The following PAMR1 variants were observed in gnomAD, a reference collection of about 807,000 sequenced individuals.
PAMR1 encodes inactive serine protease PAMR1.
Under a neutral mutation model 81.8 loss-of-function variants are expected in PAMR1, and 88 were observed. The observed-to-expected ratio is 1.08, with a 90% CI of 0.91 to 1.28. The LOEUF (loss-of-function observed/expected upper bound fraction) is 1.28, where lower values mean the gene tolerates loss of function less well. Among genes scored for constraint, PAMR1 ranks in the 50% most tolerant of loss-of-function variants. The probability of loss-of-function intolerance (pLI) is 0.00; values close to 1 mark genes in which losing one functional copy is unlikely to be tolerated. For missense variants in PAMR1, 935 were observed against 919.7 expected, an observed-to-expected ratio of 1.02 and a Z score of -0.21; for synonymous variants, 336 against 345.3, an observed-to-expected ratio of 0.97 and a Z score of 0.30.
intron 1 of PAMR1, among the ~76,000 whole-genome samples, chr11:35,506,990 T>C (rs973420992): frequency 5.3e-5 from 8 of 150,690 alleles, no homozygotes; most frequent in African/African-American, 1.9e-4. Context: ...GTACAAATCA[T>C]CTTTGTTCCT....
intron 1 of PAMR1, among the ~76,000 whole-genome samples, chr11:35,509,822 G>A (rs1160239032): frequency 6.6e-6 from 1 of 152,140 alleles, no homozygotes; most frequent in Non-Finnish European, 1.5e-5. Flanking sequence ...GAAAGAGCTG[G>A]GCCAACTTGT....
At chr11:35,445,031 A>C (rs1211722007) in intron 6 of PAMR1, among the ~76,000 whole-genome samples, 1 of 152,130 alleles carries the variant, frequency 6.6e-6, no homozygotes, top group Non-Finnish European at 1.5e-5. Flanking sequence ...AGTGGTTTGT[A>C]GTTCTCCTTG....
chr11:35,468,248 T>C (rs1856792584), intron 5 of PAMR1, 140 bp from the exon 6 acceptor site: 1 of 584,314 alleles, frequency 1.7e-6, no homozygotes, highest in Non-Finnish European at 3.1e-6. Flanking sequence ...ATTCATGTTA[T>C]GATTATTTGA....
intron 6 of PAMR1, among the ~76,000 whole-genome samples, chr11:35,464,594 A>T (rs1482679106): frequency 6.6e-6 from 1 of 152,162 alleles, no homozygotes; most frequent in African/African-American, 2.4e-5. Context: ...GTCCCCTGTG[A>T]GTAGAGATGG....
chr11:35,496,986 T>C (rs1017819822), intron 1 of PAMR1, among the ~76,000 whole-genome samples: 1 of 152,064 alleles, frequency 6.6e-6, no homozygotes, highest in African/African-American at 2.4e-5. Flanking sequence ...GCCAACATGG[T>C]GAAACCTCAT....
intron 3 of PAMR1, among the ~76,000 whole-genome samples, chr11:35,476,752 A>G (rs186129713): frequency 6.6e-6 from 1 of 152,052 alleles, no homozygotes; most frequent in Non-Finnish European, 1.5e-5. Flanking sequence ...AAGCCCTCCA[A>G]AGGTTCTCCA....
intron 5 of PAMR1, among the ~76,000 whole-genome samples, chr11:35,469,502 G>C (rs1009041706): frequency 1.2e-4 from 19 of 152,168 alleles, no homozygotes; most frequent in African/African-American, 4.3e-4. Context: ...AAGGGAAGAG[G>C]ATTCAGCCAC....
chr11:35,455,842 A>G (rs1323776722), intron 6 of PAMR1, among the ~76,000 whole-genome samples: 1 of 151,858 alleles, frequency 6.6e-6, no homozygotes, highest in Non-Finnish European at 1.5e-5. Context: ...AGTTCAAGAT[A>G]TTCTACTAAG....
In PAMR1 at chr11:35,508,860, G is replaced by T. The variant is rs543989545; in HGVS notation, c.74-14588C>A. 1.5e-3 allele frequency among the ~76,000 whole-genome samples: 228 copies of T among 152,210 alleles called. 1 individual carries two copies. Among genetic ancestry groups the T allele is most frequent in the African/African-American group, 5.4e-3 (226 of 41,524 alleles). On this transcript the variant is annotated intron_variant, in intron 1 of 10. Coordinates refer to ENST00000619888, the MANE Select transcript of PAMR1 (RefSeq NM_001001991.3). ...GATAATGGTCTCCAGCTCCATCCATGTTGCTGTGAAGGACTTGATGTCATT... is the reference window on the plus strand; with the variant it reads ...GATAATGGTCTCCAGCTCCATCCATTTTGCTGTGAAGGACTTGATGTCATT...
intron 6 of PAMR1, among the ~76,000 whole-genome samples, chr11:35,456,588 G>A (rs553930078): frequency 6.6e-6 from 1 of 152,052 alleles, no homozygotes; most frequent in African/African-American, 2.4e-5. Flanking sequence ...ATTTAACCAG[G>A]GCACATTTGT....
chr11:35,469,550 C>T (rs1856812946), intron 5 of PAMR1, among the ~76,000 whole-genome samples: 1 of 152,182 alleles, frequency 6.6e-6, no homozygotes, highest in South Asian at 2.1e-4. Flanking sequence ...ATCAGAACTC[C>T]CAGGCCCTGC....
At chr11:35,438,803 G>A (rs1010259999) in intron 8 of PAMR1, among the ~76,000 whole-genome samples, 1 of 152,184 alleles carries the variant, frequency 6.6e-6, no homozygotes, top group African/African-American at 2.4e-5. Context: ...AGAATTCTGG[G>A]TAAAGGGGTC....
chr11:35,507,033 G>T, intron 1 of PAMR1, among the ~76,000 whole-genome samples: 2 of 127,500 alleles, frequency 1.6e-5, no homozygotes, highest in Non-Finnish European at 1.6e-5. Context: ...TTTTCAAATA[G>T]CCTGACTTTT....
At chr11:35,461,748 A>G (rs1856659913) in intron 6 of PAMR1, among the ~76,000 whole-genome samples, 1 of 152,126 alleles carries the variant, frequency 6.6e-6, no homozygotes, top group African/African-American at 2.4e-5. Flanking sequence ...TGAACACACC[A>G]AGGAGGACAT....
chr11:35,461,906 C>T (rs572177061), intron 6 of PAMR1, among the ~76,000 whole-genome samples: 2 of 152,280 alleles, frequency 1.3e-5, no homozygotes, highest in Admixed American at 6.5e-5. Flanking sequence ...GTAATAGCCA[C>T]GGATTCCTTG....
intron 1 of PAMR1, among the ~76,000 whole-genome samples, chr11:35,495,558 C>T (rs764134316): frequency 6.6e-6 from 1 of 152,258 alleles, no homozygotes; most frequent in East Asian, 1.9e-4. Flanking sequence ...ACAAAGATGA[C>T]AATTACAGCT....
chr11:35,518,674 A>C (rs186113285), intron 1 of PAMR1, among the ~76,000 whole-genome samples: 3 of 152,002 alleles, frequency 2.0e-5, no homozygotes, highest in African/African-American at 7.2e-5. Context: ...TGGAATTATA[A>C]AGTAAATAGA....
At chr11:35,456,480 A>G (rs115851255) in intron 6 of PAMR1, among the ~76,000 whole-genome samples, 373 of 152,344 alleles carry the variant, frequency 2.4e-3, no homozygotes, top group African/African-American at 8.8e-3. Flanking sequence ...TTCTGCTGAG[A>G]ATAATCATTG....
chr11:35,515,750 C>A (rs1463643677), intron 1 of PAMR1, among the ~76,000 whole-genome samples: 1 of 152,210 alleles, frequency 6.6e-6, no homozygotes, highest in Non-Finnish European at 1.5e-5. Flanking sequence ...AAAGGCATTT[C>A]TCCTAAGGCT....
Sources: allele counts gnomAD v4.1 joint callset (sites outside exome capture counted in the v4.1 genomes callset), GRCh38; gene constraint gnomAD v4.1.1; transcripts MANE v1.5; gene names NCBI Gene and HGNC (gene_info 2026-07-23, HGNC 2026-07-21).